SAP130: variants seen among roughly 807,000 people sequenced by gnomAD.
SAP130 encodes the protein Sin3A associated protein 130.
In SAP130, 16 loss-of-function variants were observed where a neutral mutation model predicts 103.2. The observed-to-expected ratio is 0.16, with a 90% confidence interval of 0.10 to 0.24. The LOEUF (loss-of-function observed/expected upper bound fraction) is 0.24. Ranked by LOEUF, SAP130 falls within the 10% of genes least tolerant of loss-of-function variation. The pLI is 1.00. For missense variants in SAP130, 990 were observed against 1,359.7 expected (o/e 0.73, Z 4.28); for synonymous variants, 477 against 497.0 (o/e 0.96, Z 0.53).
intron 17 of SAP130, 65 bp downstream of exon 17, chr2:127,950,095 G>GC: frequency 6.2e-7 from 1 of 1,609,144 alleles, no homozygotes; most frequent in Middle Eastern, 1.7e-4. Context: ...TATGTAACGA[G>GC]CCTCTGGGTT....
intron 15 of SAP130, among the ~76,000 whole-genome samples, chr2:127,969,599 C>G (rs1310457051): frequency 1.3e-5 from 2 of 152,184 alleles, no homozygotes; most frequent in African/African-American, 4.8e-5. Context: ...TCTCACAGTT[C>G]TGGAGGCCAG....
chr2:127,976,722 CA>C (rs1032635039), intron 15 of SAP130, among the ~76,000 whole-genome samples: 2 of 152,118 alleles, frequency 1.3e-5, no homozygotes, highest in African/African-American at 4.8e-5. Context: ...CCATCCTGGC[CA>C]ACATGGTGAA....
At chr2:128,027,827 G>A (rs926373890) in intron 1 of SAP130, 113 bp downstream of exon 1, 9 of 692,028 alleles carry the variant, frequency 1.3e-5, no homozygotes, top group Non-Finnish European at 1.4e-5. Context: ...AGGAGACGAG[G>A]ATCCTCTGCC....
chr2:128,010,798 A>C (rs1684335700), intron 6 of SAP130, among the ~76,000 whole-genome samples: 1 of 151,810 alleles, frequency 6.6e-6, no homozygotes, highest in Admixed American at 6.6e-5. Flanking sequence ...TGGGAGGCAG[A>C]GGTTGCAGTG....
In SAP130 at chr2:127,941,704, A is replaced by G. The variant is rs1559021136; in HGVS notation, c.*302T>C. 8 of 383,116 alleles carry G rather than the reference A, an allele frequency of 2.1e-5. 1 individual carries two copies. Among genetic ancestry groups the G allele is most frequent in the Non-Finnish European group, 3.7e-5 (8 of 214,874 alleles). The allele number at this position is 383,116 out of a possible 1,614,324, so 23.7% of individuals were successfully genotyped here. On this transcript the variant is annotated 3_prime_UTR_variant, in exon 21 of 21. Transcript: ENST00000643581. ...ACAGTCTATAAACCGGAAGGCTGAAAAACACCAGCCAGCCATCCTTGTCAT... is the reference window on the plus strand; with the variant it reads ...ACAGTCTATAAACCGGAAGGCTGAAGAACACCAGCCAGCCATCCTTGTCAT...
chr2:127,986,883 G>C lies in SAP130; in HGVS notation c.1860C>G (p.Thr620=), dbSNP rs3732196. ...CACTCTGGCTGTGGGTCTGCACCAC[G>C]GTTGTTGCTGCTGGAGCAGCACTGA... ...NPFSAAPAAT[T]VVQTHSQSAS... Residue 620 remains threonine, a synonymous_variant, in exon 14 of 21, where the codon ACC becomes ACG. Transcript: ENST00000643581. The surrounding 1 kb of genome is among the most constrained non-coding windows in gnomAD (Gnocchi z 4.7). The C allele has an allele frequency of 1.5e-5, 25 of 1,614,222 alleles. No homozygotes were observed. Among genetic ancestry groups the C allele is most frequent in the Non-Finnish European group, 2.0e-5 (24 of 1,180,044 alleles).
intron 1 of SAP130, among the ~76,000 whole-genome samples, chr2:128,026,845 G>A (rs1421973639): frequency 6.6e-6 from 1 of 152,184 alleles, no homozygotes; most frequent in African/African-American, 2.4e-5. Flanking sequence ...CTCTTCCACA[G>A]ATCCCCTCAC....
intron 15 of SAP130, among the ~76,000 whole-genome samples, chr2:127,963,376 C>T (rs115209995): frequency 0.035 from 5,299 of 152,092 alleles, 290 homozygotes; most frequent in African/African-American, 0.12. Context: ...ACCACAGGTG[C>T]GTGCCACCAT....
At position 127,941,758 on chromosome 2, in the gene SAP130, C is replaced by A; in HGVS notation, c.*248G>T. Reference sequence around the variant, plus strand: ...TTCCAACTGGTGGACACTGATGCATCCGGAGTCACTTATGACACAGATCAG... The same window carrying A: ...TTCCAACTGGTGGACACTGATGCATACGGAGTCACTTATGACACAGATCAG... On this transcript the variant is annotated 3_prime_UTR_variant, in exon 21 of 21. Transcript: ENST00000643581. The A allele has an allele frequency of 2.1e-6, 1 of 484,354 alleles. No individual in the cohort carries two copies. Among genetic ancestry groups the A allele is most frequent in the Non-Finnish European group, 3.6e-6 (1 of 277,272 alleles). 30.0% of individuals were successfully genotyped at this position (484,354 alleles called of 1,614,324 possible). A position where few individuals can be genotyped will look rare whatever the true frequency, so the allele number is the denominator to read the frequency against.
At chr2:127,959,271 A>G (rs1468050038) in intron 15 of SAP130, among the ~76,000 whole-genome samples, 1 of 151,986 alleles carries the variant, frequency 6.6e-6, no homozygotes, top group African/African-American at 2.4e-5. Context: ...GAGCAGAGAC[A>G]AAAAAAAGTC....
At chr2:128,020,473 T>C (rs1049924001) in intron 2 of SAP130, among the ~76,000 whole-genome samples, 3 of 152,362 alleles carry the variant, frequency 2.0e-5, no homozygotes, top group Admixed American at 1.3e-4. Context: ...TTCACATTAG[T>C]GTACACAGCT....
intron 10 of SAP130, among the ~76,000 whole-genome samples, chr2:127,997,589 T>G (rs1314383040): frequency 6.6e-6 from 1 of 152,078 alleles, no homozygotes; most frequent in Non-Finnish European, 1.5e-5. Flanking sequence ...TATTGGCCAA[T>G]GCAAAGAGAA....
rs551864120 is a variant in SAP130, at chr2:127,986,371, C to T, written c.1958+414G>A. Among the ~76,000 whole-genome samples the T allele has an allele frequency of 1.5e-3, 230 of 152,320 alleles. No homozygotes were observed. Among genetic ancestry groups the T allele is most frequent in the African/African-American group, 5.3e-3 (220 of 41,564 alleles). ...AAGAAGCGAGCCACTCCCACTGTTGCACGCCCTGCGAGGGGGACAAGGGAA... is the reference window on the plus strand; with the variant it reads ...AAGAAGCGAGCCACTCCCACTGTTGTACGCCCTGCGAGGGGGACAAGGGAA... On this transcript the variant is annotated intron_variant, in intron 14 of 20. Transcript: ENST00000643581. The surrounding 1 kb of genome is among the most constrained non-coding windows in gnomAD (Gnocchi z 4.7).
In SAP130 at chr2:127,986,953, A is replaced by C. The variant is rs1339092689; in HGVS notation, c.1790T>G (p.Leu597Trp). 6.2e-7 allele frequency: 1 copy of C among 1,612,660 alleles called. No individual in the cohort carries two copies. Among genetic ancestry groups the C allele is most frequent in the South Asian group, 1.1e-5 (1 of 91,020 alleles). ...GGCCACAATTGTGGCTCCATCTGCC[A>C]ACACCACTGCTACAGGAGAGAGGCA... ...QPEGKTSAVV[L>W]ADGATIVANP... Residue 597 changes from leucine (L) to tryptophan (W), a missense_variant, in exon 14 of 21, where the codon TTG becomes TGG. Coordinates refer to ENST00000643581, the MANE Select transcript of SAP130 (RefSeq NM_001330301.2). This position sits in a 1 kb window ranked among gnomAD's most constrained non-coding sequence, Gnocchi z 4.7.
intron 18 of SAP130, among the ~76,000 whole-genome samples, chr2:127,949,046 A>G (rs1015519261): frequency 1.3e-5 from 2 of 152,162 alleles, no homozygotes; most frequent in African/African-American, 4.8e-5. Context: ...GAGGAAGAAA[A>G]GCTGGGAAAT....
rs2438014 is a variant in SAP130 at position 127,955,680 on chromosome 2, G to A, written c.2064-336C>T. Among the ~76,000 whole-genome samples the A allele has an allele frequency of 0.82, 124,551 of 151,874 alleles. 51,705 individuals are homozygous for A. The highest frequency in any genetic ancestry group is 0.88 in the Middle Eastern group (259 of 294). On this transcript the variant is annotated intron_variant, in intron 15 of 20. Transcript: ENST00000643581. The surrounding 1 kb of genome is among the most constrained non-coding windows in gnomAD (Gnocchi z 4.9). ...TTTTGTATTTTTTTGTGGAGATGGG[G>A]TTTCACCATGTTGCCCAGGCTGATC... is the stretch of plus-strand genomic sequence containing the variant.
At position 127,996,210 on chromosome 2, in the gene SAP130, C is replaced by T. The variant is rs1683165485; in HGVS notation, c.1355+140G>A. 10 of 560,610 alleles carry T rather than the reference C, an allele frequency of 1.8e-5. No homozygotes were observed. Among genetic ancestry groups the T allele is most frequent in the South Asian group, 5.4e-5 (1 of 18,666 alleles). 34.7% of individuals were successfully genotyped at this position (560,610 alleles called of 1,614,324 possible). On this transcript the variant is annotated intron_variant, in intron 11 of 20. Transcript: ENST00000643581. The surrounding 1 kb of genome is among the most constrained non-coding windows in gnomAD (Gnocchi z 4.3). ...ATCGCACATAAAAAAAGGAATTATA[C>T]GAAGTGTTACTTTCAGGGGAAAATC...
chr2:128,006,059 C>A (rs1213303669), intron 7 of SAP130, among the ~76,000 whole-genome samples: 1 of 147,008 alleles, frequency 6.8e-6, no homozygotes, highest in South Asian at 2.2e-4. Flanking sequence ...GGCAATAAGG[C>A]AAAAAGACTA....
chr2:127,953,456 G>A lies in SAP130; in HGVS notation c.2422+1530C>T, dbSNP rs1183169457. 1.3e-5 allele frequency among the ~76,000 whole-genome samples: 2 copies of A among 152,074 alleles called. No individual in the cohort carries two copies. Among genetic ancestry groups the A allele is most frequent in the Non-Finnish European group, 2.9e-5 (2 of 68,022 alleles). On this transcript the variant is annotated intron_variant, in intron 16 of 20. Transcript: ENST00000643581. The surrounding 1 kb of genome is among the most constrained non-coding windows in gnomAD (Gnocchi z 4.0). Reference sequence around the variant, plus strand: ...AGAGTGTTTATCTTCAGTCCTAAGTGAGTGCTTGGCACTGCTCTGCTCACA... The same window carrying A: ...AGAGTGTTTATCTTCAGTCCTAAGTAAGTGCTTGGCACTGCTCTGCTCACA...
Sources: allele counts gnomAD v4.1 joint callset (sites outside exome capture counted in the v4.1 genomes callset), GRCh38; gene constraint gnomAD v4.1.1; non-coding constraint Gnocchi (gnomAD v3.1); transcripts MANE v1.5; gene names NCBI Gene and HGNC (gene_info 2026-07-23, HGNC 2026-07-21).